Variants in EFCAB6 observed in about 807,000 individuals in gnomAD.
EFCAB6 encodes the protein EF-hand calcium-binding domain-containing protein 6.
EFCAB6 carries 156 observed loss-of-function variants against 169.8 expected under a neutral mutation model. The ratio of observed to expected loss-of-function variants is 0.92; its 90% CI spans 0.81 to 1.05. EFCAB6 has a LOEUF of 1.05. Ranked by LOEUF, EFCAB6 falls within the 50% of genes least tolerant of loss-of-function variation. The pLI is 0.00. For missense variants in EFCAB6, 1,800 were observed against 1,829.1 expected, an observed-to-expected ratio of 0.98 and a Z score of 0.29; for synonymous variants, 698 against 676.4, an observed-to-expected ratio of 1.03 and a Z score of -0.50.
intron 24 of EFCAB6, among the ~76,000 whole-genome samples, chr22:43,586,512 C>T (rs1002410658): frequency 2.0e-5 from 3 of 151,722 alleles, no homozygotes; most frequent in East Asian, 1.9e-4. Context: ...AAGTGAGGGA[C>T]GTAAGAGTCA....
intron 17 of EFCAB6, among the ~76,000 whole-genome samples, chr22:43,661,998 A>G (rs138590573): frequency 1.5e-3 from 227 of 151,862 alleles, no homozygotes; most frequent in African/African-American, 5.4e-3. Context: ...AATATGGTGA[A>G]AACTTGTCTA....
At chr22:43,677,896 T>C in intron 13 of EFCAB6, 100 bp downstream of exon 13, 1 of 1,227,724 alleles carries the variant, frequency 8.1e-7, no homozygotes, top group Non-Finnish European at 1.1e-6. Context: ...GTAAAGTCGT[T>C]AATTTATTTA....
intron 5 of EFCAB6, chr22:43,759,664 T>C (rs2061083280): frequency 6.6e-6 from 1 of 152,222 alleles, no homozygotes; most frequent in African/African-American, 2.4e-5. Flanking sequence ...ATTCCACATT[T>C]TGCCCTTACC....
chr22:43,589,629 A>C (rs1259328207), intron 24 of EFCAB6, among the ~76,000 whole-genome samples: 1 of 152,156 alleles, frequency 6.6e-6, no homozygotes, highest in Non-Finnish European at 1.5e-5. Flanking sequence ...CTCTACTAAA[A>C]ATACAAAAAT....
intron 7 of EFCAB6, among the ~76,000 whole-genome samples, chr22:43,735,469 ATTC>A (rs1315290057): frequency 6.9e-6 from 1 of 145,514 alleles, no homozygotes; most frequent in Non-Finnish European, 1.5e-5. Context: ...GAAATTTGTC[ATTC>A]TTCTCCTAAC....
At chr22:43,636,588 G>A (rs2055412241) in intron 17 of EFCAB6, among the ~76,000 whole-genome samples, 1 of 148,440 alleles carries the variant, frequency 6.7e-6, no homozygotes, top group Non-Finnish European at 1.5e-5. Flanking sequence ...GGCAGACCTG[G>A]GGTTCAAACC....
rs747875073 is a variant in EFCAB6, at chr22:43,576,280, G to A, written c.3420+17C>T. On this transcript the variant is annotated intron_variant, in intron 26 of 31. Transcript: ENST00000262726. ...CTCATTTTCAAAGAGATGCTTATGT[G>A]CTGCAGACATTCTTACCTCCTCAAG... is the stretch of plus-strand genomic sequence containing the variant. The A allele has an allele frequency of 1.5e-5, 23 of 1,566,670 alleles. No individual in the cohort carries two copies. The highest frequency in any genetic ancestry group is 2.2e-5 in the Admixed American group (1 of 46,082).
chr22:43,547,264 A>C (rs1204326475), intron 27 of EFCAB6, among the ~76,000 whole-genome samples: 1 of 152,230 alleles, frequency 6.6e-6, no homozygotes, highest in Admixed American at 6.5e-5. Flanking sequence ...CTAACCCTAC[A>C]GGCAGGTGAA....
At chr22:43,683,925 G>T in intron 11 of EFCAB6, 70 bp from the exon 12 acceptor site, 1 of 1,187,972 alleles carries the variant, frequency 8.4e-7, no homozygotes, top group South Asian at 1.3e-5. Flanking sequence ...CTTAATGCAA[G>T]AAACAAGCAC....
chr22:43,632,882 G>A (rs1417310863), intron 18 of EFCAB6, among the ~76,000 whole-genome samples: 1 of 152,100 alleles, frequency 6.6e-6, no homozygotes, highest in Non-Finnish European at 1.5e-5. Flanking sequence ...GAGAATTCCT[G>A]CCTCTTTTTT....
intron 24 of EFCAB6, among the ~76,000 whole-genome samples, chr22:43,582,152 A>C (rs915718635): frequency 1.3e-5 from 2 of 152,236 alleles, no homozygotes; most frequent in African/African-American, 4.8e-5. Flanking sequence ...ATCAAGCCTA[A>C]CTATGTTTTA....
chr22:43,639,057 T>C (rs891207783), intron 17 of EFCAB6, among the ~76,000 whole-genome samples: 1 of 150,856 alleles, frequency 6.6e-6, no homozygotes, highest in Admixed American at 6.6e-5. Flanking sequence ...AGTGCTGGGG[T>C]TGTCCTGCAC....
chr22:43,667,930 C>T (rs898287129), intron 16 of EFCAB6, among the ~76,000 whole-genome samples: 1 of 152,316 alleles, frequency 6.6e-6, no homozygotes, highest in Non-Finnish European at 1.5e-5. Flanking sequence ...AGCCCTGAGA[C>T]AGTCATGGAG....
chr22:43,672,438 C>A, intron 13 of EFCAB6, 133 bp from the exon 14 acceptor site: 1 of 854,810 alleles, frequency 1.2e-6, no homozygotes. Context: ...CCTTGAACAA[C>A]GGAGCTTGCC....
chr22:43,770,150 C>G (rs573314511), intron 4 of EFCAB6, among the ~76,000 whole-genome samples: 1 of 152,222 alleles, frequency 6.6e-6, no homozygotes, highest in Non-Finnish European at 1.5e-5. Context: ...AGCCACCGTA[C>G]CCAGCCAAGG....
At chr22:43,708,459 GAGC>G (rs1467042302) in intron 10 of EFCAB6, among the ~76,000 whole-genome samples, 1 of 151,772 alleles carries the variant, frequency 6.6e-6, no homozygotes, top group Non-Finnish European at 1.5e-5. Context: ...AAAAAAAGAA[GAGC>G]AGAAGAAATA....
intron 21 of EFCAB6, among the ~76,000 whole-genome samples, chr22:43,611,994 A>C (rs1229002441): frequency 1.3e-5 from 2 of 152,212 alleles, no homozygotes; most frequent in African/African-American, 2.4e-5. Context: ...TAGAGAGCCC[A>C]GAAATAAGAC....
At chr22:43,727,324 A>G (rs2059772907) in intron 8 of EFCAB6, among the ~76,000 whole-genome samples, 1 of 152,204 alleles carries the variant, frequency 6.6e-6, no homozygotes, top group South Asian at 2.1e-4. Flanking sequence ...GCTGGTCATG[A>G]GGCTGCTGTG....
chr22:43,532,571 G>C (rs2047138676), intron 30 of EFCAB6, among the ~76,000 whole-genome samples: 1 of 147,120 alleles, frequency 6.8e-6, no homozygotes, highest in African/African-American at 2.4e-5. Context: ...TGGCAGAACT[G>C]TCTAAAGTCT....
Sources: allele counts gnomAD v4.1 joint callset (sites outside exome capture counted in the v4.1 genomes callset), GRCh38; gene constraint gnomAD v4.1.1; transcripts MANE v1.5; gene names NCBI Gene and HGNC (gene_info 2026-07-23, HGNC 2026-07-21).